Variants in CIRSR observed in about 807,000 individuals in gnomAD.
CIRSR encodes the protein corepressor of RBPJ and splicing regulator.
the CIRSR span, among the ~76,000 whole-genome samples, chr2:174,386,896 A>C: frequency 6.6e-6 from 1 of 152,124 alleles, no homozygotes; most frequent in African/African-American, 2.4e-5. Flanking sequence ...ATGTATTTGT[A>C]TCTCTTACTA....
chr2:174,393,937 A>G, the CIRSR span, among the ~76,000 whole-genome samples: 1 of 152,162 alleles, frequency 6.6e-6, no homozygotes, highest in African/African-American at 2.4e-5. Flanking sequence ...CTCCCCATAA[A>G]GTGTTAACTA....
the CIRSR span, chr2:174,380,067 T>G: frequency 6.9e-6 from 4 of 579,864 alleles, no homozygotes; most frequent in Non-Finnish European, 9.0e-6. Flanking sequence ...TGTTTTCTCC[T>G]CTATTCCTTA....
chr2:174,375,575 C>T, the CIRSR span, among the ~76,000 whole-genome samples: 1 of 152,078 alleles, frequency 6.6e-6, no homozygotes, highest in African/African-American at 2.4e-5. Context: ...GTGTCACTGC[C>T]CTCCAGTCTG....
chr2:174,364,383 G>C, the CIRSR span, among the ~76,000 whole-genome samples: 3 of 152,208 alleles, frequency 2.0e-5, no homozygotes, highest in Non-Finnish European at 4.4e-5. Context: ...AGCTTTTCCA[G>C]GCACACTGTG....
chr2:174,362,489 A>T, the CIRSR span, among the ~76,000 whole-genome samples: 3 of 151,868 alleles, frequency 2.0e-5, no homozygotes, highest in African/African-American at 7.3e-5. Flanking sequence ...TCTTATTCTC[A>T]TAACAAGAAA....
the CIRSR span, among the ~76,000 whole-genome samples, chr2:174,392,152 C>A: frequency 3.9e-5 from 6 of 152,310 alleles, no homozygotes; most frequent in Admixed American, 6.5e-5. Context: ...CGCCCGCCAC[C>A]ACACCCAGCT....
chr2:174,355,800 C>G, the CIRSR span, among the ~76,000 whole-genome samples: 1 of 152,022 alleles, frequency 6.6e-6, no homozygotes, highest in South Asian at 2.1e-4. Flanking sequence ...TATATAAACT[C>G]AAAAGTTCTG....
chr2:174,393,303 G>A, the CIRSR span, among the ~76,000 whole-genome samples: 1 of 152,150 alleles, frequency 6.6e-6, no homozygotes, highest in Admixed American at 6.5e-5. Flanking sequence ...AGTGTATCCT[G>A]TGACATAAAT....
the CIRSR span, among the ~76,000 whole-genome samples, chr2:174,367,511 C>T: frequency 8.6e-5 from 13 of 151,948 alleles, no homozygotes; most frequent in Admixed American, 1.3e-4. Flanking sequence ...ACCCTGGAGG[C>T]GGAGGTTGCA....
chr2:174,362,556 G>A, the CIRSR span, among the ~76,000 whole-genome samples: 15 of 151,532 alleles, frequency 9.9e-5, no homozygotes, highest in African/African-American at 3.1e-4. Flanking sequence ...GGTGATGGGC[G>A]CCTGTAGTCC....
At chr2:174,360,218 T>C in the CIRSR span, among the ~76,000 whole-genome samples, 4 of 152,074 alleles carry the variant, frequency 2.6e-5, no homozygotes, top group Non-Finnish European at 4.4e-5. Flanking sequence ...TAAATAATTT[T>C]AAAAAACTGG....
chr2:174,388,586 T>C, the CIRSR span, among the ~76,000 whole-genome samples: 4 of 152,356 alleles, frequency 2.6e-5, no homozygotes, highest in African/African-American at 9.6e-5. Flanking sequence ...AGGTAGTCAA[T>C]GTTATACATT....
At chr2:174,348,222 T>G in the CIRSR span, 1 of 334,322 alleles carries the variant, frequency 3.0e-6, no homozygotes, top group African/African-American at 2.1e-5. Flanking sequence ...GCGGTTTTTA[T>G]CTGGTATGGG....
the CIRSR span, chr2:174,387,804 A>T: frequency 6.5e-7 from 1 of 1,537,330 alleles, no homozygotes; most frequent in Non-Finnish European, 8.8e-7. Flanking sequence ...TAAAAATGCA[A>T]ATTAAATTGT....
chr2:174,387,064 A>G, the CIRSR span, among the ~76,000 whole-genome samples: 4 of 152,160 alleles, frequency 2.6e-5, no homozygotes, highest in Non-Finnish European at 5.9e-5. Context: ...CTCTCAATAT[A>G]TTATATTTTA....
At chr2:174,370,603 T>C in the CIRSR span, among the ~76,000 whole-genome samples, 1 of 152,210 alleles carries the variant, frequency 6.6e-6, no homozygotes, top group Non-Finnish European at 1.5e-5. Flanking sequence ...TGTGTATGTG[T>C]TTAAGCATCA....
the CIRSR span, among the ~76,000 whole-genome samples, chr2:174,377,830 A>AG: frequency 6.6e-6 from 1 of 151,190 alleles, no homozygotes; most frequent in African/African-American, 2.4e-5. Flanking sequence ...ATCTCAAAAA[A>AG]AAAAAAAAAA....
the CIRSR span, among the ~76,000 whole-genome samples, chr2:174,362,605 C>A: frequency 6.9e-6 from 1 of 145,292 alleles, no homozygotes; most frequent in African/African-American, 2.6e-5. Context: ...ATGGCATGAA[C>A]CCGGGAGGGA....
the CIRSR span, among the ~76,000 whole-genome samples, chr2:174,349,341 C>A: frequency 6.6e-6 from 1 of 151,808 alleles, no homozygotes; most frequent in African/African-American, 2.4e-5. Flanking sequence ...CCACGGCGGG[C>A]GGATCACAAG....
Sources: gnomAD v4.1 joint callset for allele counts (sites outside exome capture counted in the v4.1 genomes callset) on GRCh38, gnomAD v4.1.1 for gene constraint, MANE v1.5 for transcripts, NCBI Gene and HGNC (gene_info 2026-07-23, HGNC 2026-07-21) for gene names.